ABCC3: variants seen among roughly 807,000 people sequenced by gnomAD.
ABCC3 encodes ATP-binding cassette sub-family C member 3.
In ABCC3, 121 loss-of-function variants were observed where a neutral mutation model predicts 165.3. The observed-to-expected ratio is 0.73, with a 90% CI of 0.63 to 0.85. The LOEUF is 0.85. ABCC3 is among the 40% of genes least tolerant of loss of function. ABCC3 has a pLI of 0.00. For missense variants in ABCC3, 1,869 were observed against 1,964.1 expected (o/e 0.95, Z 0.92); for synonymous variants, 733 against 810.1 (o/e 0.90, Z 1.62).
At chr17:50,658,321 C>A in intron 5 of ABCC3, 114 bp downstream of exon 5, 2 of 1,584,440 alleles carry the variant, frequency 1.3e-6, no homozygotes, top group Non-Finnish European at 1.7e-6. Flanking sequence ...GTCATCCCCA[C>A]AATCTGTAAA....
chr17:50,666,480 A>AG (rs569636987), intron 11 of ABCC3, among the ~76,000 whole-genome samples: 14 of 152,304 alleles, frequency 9.2e-5, no homozygotes, highest in Non-Finnish European at 1.6e-4. Flanking sequence ...TCAAAAAAAA[A>AG]AGTCACTTCC....
intron 1 of ABCC3, among the ~76,000 whole-genome samples, chr17:50,638,026 T>C (rs1015271878): frequency 1.3e-5 from 2 of 152,260 alleles, no homozygotes. Context: ...TTTGTGTGAA[T>C]CCTTCTCTCT....
intron 12 of ABCC3, 23 bp downstream of exon 12, chr17:50,667,780 G>T: frequency 1.9e-6 from 3 of 1,614,000 alleles, no homozygotes; most frequent in Non-Finnish European, 2.5e-6. Context: ...ACAGGGCTGG[G>T]TCCCTGCCTC....
rs143293933 is a variant in ABCC3, at chr17:50,665,182, C to T, written c.1368C>T (p.Val456=). The T allele has an allele frequency of 2.5e-5, 40 of 1,614,164 alleles. No homozygotes were observed. Among genetic ancestry groups the T allele is most frequent in the African/African-American group, 1.5e-4 (11 of 75,056 alleles). The change falls in exon 11 of 31, where the codon GTC becomes GTT. Residue 456 remains valine (V), a synonymous_variant. Transcript: ENST00000285238. ...TAGGTCCCTCTGTCCTGGCTGGAGT[C>T]GCTTTCATGGTCTTGCTGATTCCAC... is the stretch of plus-strand genomic sequence containing the variant. ...QNLGPSVLAG[V]AFMVLLIPLN...
At chr17:50,682,771 T>A (rs1380840123) in intron 26 of ABCC3, among the ~76,000 whole-genome samples, 1 of 152,200 alleles carries the variant, frequency 6.6e-6, no homozygotes, top group Non-Finnish European at 1.5e-5. Flanking sequence ...TACTAGAACA[T>A]AAATCTCACG....
In ABCC3 at chr17:50,676,205, G is replaced by A. The variant is rs549857947; in HGVS notation, c.3068-73G>A. On this transcript the variant is annotated intron_variant, in intron 22 of 30. Coordinates refer to ENST00000285238, the MANE Select transcript of ABCC3 (RefSeq NM_003786.4). ...CTCCCTAACCCACTCTGGTCAACCC[G>A]TGTCTCTGATTCTGCCCCTTTGTGC... is the stretch of plus-strand genomic sequence containing the variant. 79 of 1,587,144 alleles carry A rather than the reference G, an allele frequency of 5.0e-5. 1 individual carries two copies. Among genetic ancestry groups the A allele is most frequent in the East Asian group, 2.5e-4 (11 of 44,646 alleles).
chr17:50,640,723 A>G (rs1001357447), intron 1 of ABCC3, among the ~76,000 whole-genome samples: 13 of 152,262 alleles, frequency 8.5e-5, no homozygotes, highest in Non-Finnish European at 1.8e-4. Flanking sequence ...GCGTTTCGTC[A>G]TGTTGGCCAG....
intron 23 of ABCC3, among the ~76,000 whole-genome samples, chr17:50,677,349 C>A (rs1407033105): frequency 6.6e-6 from 1 of 152,208 alleles, no homozygotes; most frequent in East Asian, 1.9e-4. Flanking sequence ...ACACTGAACT[C>A]CTGTTCTGTA....
chr17:50,665,213 G>A lies in ABCC3; in HGVS notation c.1399G>A (p.Gly467Arg), dbSNP rs779015256. ...AFMVLLIPLNGAVAVKMRAFQ... is the reference protein window; with the variant it reads ...AFMVLLIPLNRAVAVKMRAFQ... ...CATGGTCTTGCTGATTCCACTCAAC[G>A]GAGCTGTGGCCGTGAAGATGCGCGC... The change falls in exon 11 of 31, where the codon GGA (glycine) becomes AGA (arginine). Residue 467 changes from glycine to arginine, a missense_variant. Gly to Arg is a moderately radical substitution (Grantham distance 125, BLOSUM62 -2). Coordinates refer to ENST00000285238, the MANE Select transcript of ABCC3 (RefSeq NM_003786.4). The A allele has an allele frequency of 3.8e-6, 6 of 1,570,042 alleles. No individual in the cohort carries two copies. Among genetic ancestry groups the A allele is most frequent in the South Asian group, 2.2e-5 (2 of 90,498 alleles).
Position 50,687,616 on chromosome 17 carries a change from C to G in ABCC3, c.4361C>G (p.Ala1454Gly). 1 of 1,614,266 alleles carries G rather than the reference C, an allele frequency of 6.2e-7. No homozygotes were observed. The highest frequency in any genetic ancestry group is 1.1e-5 in the South Asian group (1 of 91,084). Residue 1454 changes from alanine (A) to glycine (G), a missense_variant, in exon 30 of 31, where the codon GCT (alanine) becomes GGT (glycine). Coordinates refer to ENST00000285238, the MANE Select transcript of ABCC3 (RefSeq NM_003786.4). ...SRILVLDEAT[A>G]AIDLETDNLI... Reference sequence around the variant, plus strand: ...ATCCTGGTTTTAGACGAGGCCACAGCTGCCATCGACCTGGAGACTGACAAC... The same window carrying G: ...ATCCTGGTTTTAGACGAGGCCACAGGTGCCATCGACCTGGAGACTGACAAC...
Position 50,676,433 on chromosome 17 carries a change from G to A in ABCC3, c.3223G>A (p.Asp1075Asn). 1 of 1,614,188 alleles carries A rather than the reference G, an allele frequency of 6.2e-7. No individual in the cohort carries two copies. Among genetic ancestry groups the A allele is most frequent in the Middle Eastern group, 1.6e-4 (1 of 6,062 alleles). Residue 1075 changes from aspartate (D) to asparagine (N), a missense_variant, in exon 23 of 31, where the codon GAC (aspartate) becomes AAC (asparagine). Physicochemically the swap from Asp to Asn is conservative, Grantham distance 23 (BLOSUM62 1). Coordinates refer to ENST00000285238, the MANE Select transcript of ABCC3 (RefSeq NM_003786.4). ...SGRILNCFSKDIYVVDEVLAP... is the reference protein window; with the variant it reads ...SGRILNCFSKNIYVVDEVLAP... ...CCGCATCCTGAACTGCTTCTCCAAG[G>A]ACATCTATGTCGTTGATGAGGTTCT...
At chr17:50,684,405 C>G (rs1567839314) in intron 28 of ABCC3, among the ~76,000 whole-genome samples, 1 of 152,150 alleles carries the variant, frequency 6.6e-6, no homozygotes, top group African/African-American at 2.4e-5. Flanking sequence ...TTGCGCAGCT[C>G]TAATTACATT....
chr17:50,659,517 A>G lies in ABCC3; in HGVS notation c.806+149A>G, dbSNP rs1425307031. 16 of 982,288 alleles carry G rather than the reference A, an allele frequency of 1.6e-5. No individual in the cohort carries two copies. The Admixed American group carries it at 1.7e-4, about 11-fold the overall frequency. 60.8% of individuals were successfully genotyped at this position (982,288 alleles called of 1,614,324 possible). A position where few individuals can be genotyped will look rare whatever the true frequency, so the allele number is the denominator to read the frequency against. On this transcript the variant is annotated intron_variant, in intron 7 of 30. Coordinates refer to ENST00000285238, the MANE Select transcript of ABCC3 (RefSeq NM_003786.4). ...TTCTTGGCAGCCTCGGGACCATTCT[A>G]TGGGAAGCTTAGGCCTGGATGGCGC... is the stretch of plus-strand genomic sequence containing the variant.
At chr17:50,677,630 G>C in intron 23 of ABCC3, 114 bp from the exon 24 acceptor site, 1 of 1,051,944 alleles carries the variant, frequency 9.5e-7, no homozygotes, top group African/African-American at 1.6e-5. Context: ...ATGTCTCGTG[G>C]TGGGAGTGAG....
At chr17:50,673,989 T>TCC (rs1967732965) in intron 19 of ABCC3, among the ~76,000 whole-genome samples, 1 of 5,712 alleles carries the variant, frequency 1.8e-4, no homozygotes, top group South Asian at 4.8e-3. Flanking sequence ...TCTCTCTCTC[T>TCC]CTCTCTCTCT....
rs140303181 is a variant in ABCC3, at chr17:50,663,839, T to C, written c.1157T>C (p.Met386Thr). ...GGGGTGAAGTTTCGTACTGGGATCA[T>C]GGGTGTCATCTACAGGAAGGTCAGC... is the stretch of plus-strand genomic sequence containing the variant. ...VTGVKFRTGI[M>T]GVIYRKALVI... The change falls in exon 9 of 31, where the codon ATG becomes ACG. Residue 386 changes from methionine to threonine, a missense_variant. Met to Thr is a moderately conservative substitution (Grantham distance 81). Coordinates refer to ENST00000285238, the MANE Select transcript of ABCC3 (RefSeq NM_003786.4). 9 of 1,614,114 alleles carry C rather than the reference T, an allele frequency of 5.6e-6. No homozygotes were observed. In the South Asian group the frequency reaches 9.9e-5, roughly 18 times the overall value.
intron 26 of ABCC3, among the ~76,000 whole-genome samples, chr17:50,680,966 C>G (rs1395249743): frequency 1.3e-5 from 2 of 152,062 alleles, no homozygotes; most frequent in African/African-American, 4.8e-5. Flanking sequence ...TTCCCAGCTA[C>G]TTGGGAGTCC....
chr17:50,636,370 A>T (rs2054180253), intron 1 of ABCC3, among the ~76,000 whole-genome samples: 1 of 141,590 alleles, frequency 7.1e-6, no homozygotes, highest in South Asian at 2.2e-4. Flanking sequence ...CAATGGAGGT[A>T]AAAAAAAAAA....
chr17:50,635,415 T>C, intron 1 of ABCC3: 1 of 694,352 alleles, frequency 1.4e-6, no homozygotes, highest in Non-Finnish European at 2.6e-6. Context: ...TGGGCATGGA[T>C]TGCCCCCAGG....
Sources: gnomAD v4.1 joint callset for allele counts (sites outside exome capture counted in the v4.1 genomes callset) on GRCh38, gnomAD v4.1.1 for gene constraint, MANE v1.5 for transcripts, NCBI Gene and HGNC (gene_info 2026-07-23, HGNC 2026-07-21) for gene names.